ARHGEF38: variants seen among roughly 807,000 people sequenced by gnomAD.
The protein encoded by ARHGEF38 is Rho guanine nucleotide exchange factor (GEF) 38.
Under a neutral mutation model 79.9 loss-of-function variants are expected in ARHGEF38, and 79 were observed. That is an observed-to-expected ratio of 0.99 (90% CI 0.82 to 1.19). The LOEUF (loss-of-function observed/expected upper bound fraction) is 1.19, where lower values mean the gene tolerates loss of function less well. Ranked by LOEUF, ARHGEF38 falls within the 50% of genes most tolerant of loss-of-function variation. ARHGEF38 has a pLI of 0.00. For synonymous variants in ARHGEF38, 366 were observed against 328.3 expected (o/e 1.11, Z -1.24); for missense variants, 962 against 907.2 (o/e 1.06, Z -0.78).
chr4:105,601,891 AT>A (rs538468281), intron 2 of ARHGEF38, among the ~76,000 whole-genome samples: 15 of 152,114 alleles, frequency 9.9e-5, no homozygotes, highest in Non-Finnish European at 2.1e-4. Context: ...TTAACCCTAT[AT>A]TTAATACAAT....
intron 10 of ARHGEF38, among the ~76,000 whole-genome samples, chr4:105,660,289 C>T (rs1730509596): frequency 6.6e-6 from 1 of 152,104 alleles, no homozygotes; most frequent in African/African-American, 2.4e-5. Flanking sequence ...TTAGTGCTTT[C>T]TCATGCCAGT....
intron 10 of ARHGEF38, among the ~76,000 whole-genome samples, chr4:105,660,818 T>C: frequency 6.6e-6 from 1 of 152,266 alleles, no homozygotes; most frequent in East Asian, 1.9e-4. Context: ...TTCCCTTTTT[T>C]TAAAATAACT....
chr4:105,633,017 A>G (rs1231818286), intron 4 of ARHGEF38: 1 of 152,690 alleles, frequency 6.5e-6, no homozygotes, highest in Non-Finnish European at 1.5e-5. Context: ...GTTACTGAAA[A>G]TTATTTTCAG....
chr4:105,561,469 A>AATAGAATG (rs1578253642), intron 1 of ARHGEF38: 2 of 49,684 alleles, frequency 4.0e-5, no homozygotes, highest in Admixed American at 2.1e-4. Context: ...AGAATAGAAT[A>AATAGAATG]GAATAGAATA....
In ARHGEF38 at chr4:105,666,204, G is replaced by T. The variant is rs1373679613; in HGVS notation, c.1573G>T (p.Glu525Ter). 6.5e-7 allele frequency: 1 copy of T among 1,529,040 alleles called. No homozygotes were observed. Among genetic ancestry groups the T allele is most frequent in the South Asian group, 1.2e-5 (1 of 81,774 alleles). The allele number at this position is 1,529,040 out of a possible 1,614,324, so 94.7% of individuals were successfully genotyped here. The change falls in exon 11 of 14, where the codon GAG becomes TAG. Residue 525 changes from glutamate (E) to a stop codon, truncating the protein, a stop_gained. Coordinates refer to ENST00000420470, the MANE Select transcript of ARHGEF38 (RefSeq NM_001242729.2). LOFTEE classifies it high-confidence loss of function. ...GCCACTGTTGGTTTCAAGCATTTCT[G>T]AGATTCAGAATCAAGTACTAGAAGA... ...PMPLLVSSISEIQNQVLEEIQ... is the reference protein window; with the variant it reads ...PMPLLVSSIS
intron 1 of ARHGEF38, among the ~76,000 whole-genome samples, chr4:105,585,987 T>C (rs1375529922): frequency 6.6e-6 from 1 of 152,002 alleles, no homozygotes; most frequent in Non-Finnish European, 1.5e-5. Context: ...CACCTCGGCC[T>C]CCCAAAGTGT....
At chr4:105,606,705 A>T (rs1258750945) in intron 2 of ARHGEF38, among the ~76,000 whole-genome samples, 1 of 152,090 alleles carries the variant, frequency 6.6e-6, no homozygotes, top group Non-Finnish European at 1.5e-5. Flanking sequence ...AAATGGTGCA[A>T]TTGAGGAAAA....
intron 5 of ARHGEF38, 77 bp from the exon 6 acceptor site, chr4:105,645,111 C>T: frequency 9.5e-7 from 1 of 1,055,960 alleles, no homozygotes; most frequent in Non-Finnish European, 1.2e-6. Context: ...TAGAAGTAAT[C>T]ATAAAAACAC....
At chr4:105,627,956 A>G (rs1729017406) in intron 3 of ARHGEF38, among the ~76,000 whole-genome samples, 1 of 152,194 alleles carries the variant, frequency 6.6e-6, no homozygotes, top group Non-Finnish European at 1.5e-5. Flanking sequence ...ATGACTTTCA[A>G]TTAGAGTACT....
intron 1 of ARHGEF38, among the ~76,000 whole-genome samples, chr4:105,555,591 G>T (rs1204581780): frequency 1.3e-5 from 2 of 152,140 alleles, no homozygotes; most frequent in East Asian, 3.9e-4. Flanking sequence ...ACCTGGACTG[G>T]TTAGAGCCCT....
chr4:105,596,201 C>T (rs1054323975), intron 2 of ARHGEF38, among the ~76,000 whole-genome samples: 10 of 152,064 alleles, frequency 6.6e-5, no homozygotes, highest in Admixed American at 6.5e-4. Context: ...TGACATCCTA[C>T]AAAATCTCTC....
chr4:105,580,057 G>A (rs1474728468), intron 1 of ARHGEF38, among the ~76,000 whole-genome samples: 1 of 152,072 alleles, frequency 6.6e-6, no homozygotes, highest in East Asian at 1.9e-4. Flanking sequence ...GTATTTCTGT[G>A]AGGTCAGTGG....
At chr4:105,637,651 A>G (rs1729452968) in intron 5 of ARHGEF38, among the ~76,000 whole-genome samples, 1 of 152,102 alleles carries the variant, frequency 6.6e-6, no homozygotes. Flanking sequence ...GTGGTTAGAG[A>G]GGAACTTCAT....
At chr4:105,638,529 C>T (rs564317163) in intron 5 of ARHGEF38, among the ~76,000 whole-genome samples, 17 of 151,900 alleles carry the variant, frequency 1.1e-4, no homozygotes, top group South Asian at 1.0e-3. Flanking sequence ...TTTCTCTTTT[C>T]TTTGTATTTT....
intron 3 of ARHGEF38, among the ~76,000 whole-genome samples, chr4:105,614,509 T>G (rs72969223): frequency 0.027 from 4,172 of 152,258 alleles, 110 homozygotes; most frequent in African/African-American, 0.069. Flanking sequence ...ATGGAACTGG[T>G]CTTGTTTAAT....
chr4:105,556,700 C>A lies in ARHGEF38; in HGVS notation c.196+3739C>A, dbSNP rs569141312. 3.3e-5 allele frequency among the ~76,000 whole-genome samples: 5 copies of A among 152,172 alleles called. No homozygotes were observed. In the South Asian group the frequency reaches 1.0e-3, roughly 32 times the overall value. ...CTTGTTAACTGTTGCATCTCAGCAG[C>A]CCAGAATACAGTAAACACTCAGTAA... On this transcript the variant is annotated intron_variant, in intron 1 of 13. Coordinates refer to ENST00000420470, the MANE Select transcript of ARHGEF38 (RefSeq NM_001242729.2).
chr4:105,620,448 A>C (rs2110502260), intron 3 of ARHGEF38, among the ~76,000 whole-genome samples: 1 of 152,366 alleles, frequency 6.6e-6, no homozygotes, highest in Non-Finnish European at 1.5e-5. Context: ...ATGATAGCCC[A>C]GTGCCTATCC....
chr4:105,579,189 C>T (rs1463437191), intron 1 of ARHGEF38, among the ~76,000 whole-genome samples: 1 of 152,032 alleles, frequency 6.6e-6, no homozygotes, highest in Non-Finnish European at 1.5e-5. Context: ...CATCTGCAAA[C>T]AGGAATACTT....
intron 3 of ARHGEF38, among the ~76,000 whole-genome samples, chr4:105,624,253 A>C (rs1404831669): frequency 1.3e-5 from 2 of 152,206 alleles, no homozygotes; most frequent in Non-Finnish European, 2.9e-5. Flanking sequence ...AATATTCCCA[A>C]TATCAAGAGA....
Sources: gnomAD v4.1 joint callset for allele counts (sites outside exome capture counted in the v4.1 genomes callset) on GRCh38, gnomAD v4.1.1 for gene constraint, MANE v1.5 for transcripts, NCBI Gene and HGNC (gene_info 2026-07-23, HGNC 2026-07-21) for gene names.